Variants in UCK2 observed in about 807,000 individuals in gnomAD.
UCK2 encodes cytidine monophosphokinase 2.
In UCK2, 6 loss-of-function variants were observed where a neutral mutation model predicts 30.8. The observed-to-expected ratio is 0.19, with a 90% CI of 0.11 to 0.38. The LOEUF (loss-of-function observed/expected upper bound fraction) is 0.38, where lower values mean the gene tolerates loss of function less well. UCK2 is among the 10% of genes least tolerant of loss of function. UCK2 has a pLI of 1.00. For missense variants in UCK2, 210 were observed against 339.8 expected, an observed-to-expected ratio of 0.62 and a Z score of 3.00; for synonymous variants, 125 against 133.6, an observed-to-expected ratio of 0.94 and a Z score of 0.45.
At chr1:165,890,588 T>A (rs1655741148) in intron 2 of UCK2, among the ~76,000 whole-genome samples, 1 of 152,210 alleles carries the variant, frequency 6.6e-6, no homozygotes, top group African/African-American at 2.4e-5. Context: ...TGAATCTGTA[T>A]CTGAACAAAG....
At chr1:165,859,135 C>T (rs998943776) in intron 1 of UCK2, among the ~76,000 whole-genome samples, 4 of 152,098 alleles carry the variant, frequency 2.6e-5, no homozygotes, top group African/African-American at 9.7e-5. Flanking sequence ...CATAAAAAGG[C>T]CATGTTTTCC....
At chr1:165,838,353 A>G (rs1654246552) in intron 1 of UCK2, among the ~76,000 whole-genome samples, 1 of 152,244 alleles carries the variant, frequency 6.6e-6, no homozygotes, top group Non-Finnish European at 1.5e-5. Flanking sequence ...TAAGTCTACA[A>G]CAAGATCGGG....
chr1:165,852,775 G>T (rs1654629762), intron 1 of UCK2, among the ~76,000 whole-genome samples: 1 of 152,298 alleles, frequency 6.6e-6, no homozygotes, highest in East Asian at 1.9e-4. Context: ...GAGGTGTCTT[G>T]TTATTTGGGT....
rs11553300 is a variant in UCK2 at position 165,910,198 on chromosome 1, C to A, written c.*2375C>A. On this transcript the variant is annotated 3_prime_UTR_variant, in exon 7 of 7. Transcript: ENST00000367879. The stretch of plus-strand genomic sequence containing the variant: ...CAAGGAAGGGATGGAAGGCTCTACC[C>A]CTCCGTGGCAGCCCAGCATTTGGCC... The A allele has an allele frequency of 6.6e-6, 1 of 152,234 alleles. No homozygotes were observed. Among genetic ancestry groups the A allele is most frequent in the Non-Finnish European group, 1.5e-5 (1 of 68,070 alleles). The allele number at this position is 152,234 out of a possible 1,614,324, so 9.4% of individuals were successfully genotyped here.
intron 1 of UCK2, among the ~76,000 whole-genome samples, chr1:165,873,000 A>T (rs1303235512): frequency 6.6e-6 from 1 of 152,234 alleles, no homozygotes; most frequent in Non-Finnish European, 1.5e-5. Context: ...AACTACCTTG[A>T]AAAGGGCAGT....
chr1:165,828,619 T>G (rs74836144), intron 1 of UCK2, among the ~76,000 whole-genome samples: 1 of 152,210 alleles, frequency 6.6e-6, no homozygotes, highest in African/African-American at 2.4e-5. Context: ...GAGAAAGTTG[T>G]ACTGGCTCCA....
intron 2 of UCK2, 151 bp downstream of exon 2, chr1:165,890,514 G>A: frequency 1.3e-6 from 1 of 769,440 alleles, no homozygotes; most frequent in Non-Finnish European, 2.1e-6. Flanking sequence ...TGTTATTGTG[G>A]GGCTTATGTG....
chr1:165,845,332 C>T (rs74118913), intron 1 of UCK2, among the ~76,000 whole-genome samples: 466 of 152,210 alleles, frequency 3.1e-3, no homozygotes, highest in African/African-American at 0.011. Context: ...ATCTTCTTGG[C>T]GCACTCTTCC....
At chr1:165,838,259 G>C (rs1044451909) in intron 1 of UCK2, among the ~76,000 whole-genome samples, 3 of 152,148 alleles carry the variant, frequency 2.0e-5, no homozygotes, top group Non-Finnish European at 4.4e-5. Flanking sequence ...ATAACAGCCA[G>C]AGTGATCCCG....
At chr1:165,878,908 G>A (rs1655404936) in intron 1 of UCK2, among the ~76,000 whole-genome samples, 1 of 152,180 alleles carries the variant, frequency 6.6e-6, no homozygotes, top group African/African-American at 2.4e-5. Flanking sequence ...CTTCCAAAGT[G>A]GCTATACCAT....
chr1:165,897,563 C>T (rs974289708), intron 4 of UCK2, among the ~76,000 whole-genome samples: 3 of 152,178 alleles, frequency 2.0e-5, no homozygotes, highest in African/African-American at 7.2e-5. Flanking sequence ...ACGAGGTTAG[C>T]TCCTAGTCAC....
intron 1 of UCK2, among the ~76,000 whole-genome samples, chr1:165,854,785 A>G (rs922318482): frequency 1.2e-4 from 18 of 152,168 alleles, no homozygotes; most frequent in African/African-American, 4.1e-4. Context: ...TTACTTCACC[A>G]TATCTTTTCT....
At chr1:165,850,458 G>A (rs7416265) in intron 1 of UCK2, among the ~76,000 whole-genome samples, 1 of 149,370 alleles carries the variant, frequency 6.7e-6, no homozygotes, top group South Asian at 2.1e-4. Flanking sequence ...ATTTTTCTTA[G>A]AGACAAGGTC....
intron 5 of UCK2, 79 bp from the exon 6 acceptor site, chr1:165,905,842 C>T: frequency 7.4e-7 from 1 of 1,344,786 alleles, no homozygotes; most frequent in South Asian, 1.2e-5. Flanking sequence ...GCTGCCCTTT[C>T]CCCATATTCC....
intron 1 of UCK2, chr1:165,885,486 C>T: frequency 2.5e-6 from 1 of 394,890 alleles, no homozygotes; most frequent in Non-Finnish European, 4.5e-6. Context: ...TGTATTTGGA[C>T]AACACCCAAC....
At chr1:165,828,529 G>A (rs560351346) in intron 1 of UCK2, among the ~76,000 whole-genome samples, 83 of 152,364 alleles carry the variant, frequency 5.4e-4, no homozygotes, top group Admixed American at 1.4e-3. Flanking sequence ...AGCCAAATAG[G>A]TGCCGTGACA....
intron 1 of UCK2, among the ~76,000 whole-genome samples, chr1:165,858,590 C>T (rs1463274719): frequency 6.6e-6 from 1 of 152,210 alleles, no homozygotes; most frequent in Non-Finnish European, 1.5e-5. Context: ...ACACAGTCTG[C>T]TGAGCCAGCA....
intron 4 of UCK2, chr1:165,900,191 C>CGCTCAGCTG (rs1647408441): frequency 6.6e-6 from 1 of 152,212 alleles, no homozygotes; most frequent in Admixed American, 6.5e-5. Context: ...CGCGCTCCCA[C>CGCTCAGCTG]GGTGTTGAGC....
intron 1 of UCK2, among the ~76,000 whole-genome samples, chr1:165,877,250 A>T (rs1655359286): frequency 6.7e-6 from 1 of 149,606 alleles, no homozygotes; most frequent in South Asian, 2.1e-4. Flanking sequence ...CAGAAGATGG[A>T]TAGTCGCTAA....
Sources: gnomAD v4.1 joint callset for allele counts (sites outside exome capture counted in the v4.1 genomes callset) on GRCh38, gnomAD v4.1.1 for gene constraint, MANE v1.5 for transcripts, NCBI Gene and HGNC (gene_info 2026-07-23, HGNC 2026-07-21) for gene names.